Variants in PRKCQ observed in about 807,000 individuals in gnomAD.
PRKCQ encodes protein kinase C theta.
In PRKCQ, 41 loss-of-function variants were observed where a neutral mutation model predicts 91.2. The ratio of observed to expected loss-of-function variants is 0.45; its 90% CI spans 0.35 to 0.58. The LOEUF (loss-of-function observed/expected upper bound fraction) is 0.58. PRKCQ is among the 20% of genes least tolerant of loss of function. PRKCQ has a pLI of 0.00. For missense variants in PRKCQ, 673 were observed against 896.5 expected (o/e 0.75, Z 3.18); for synonymous variants, 307 against 316.9 (o/e 0.97, Z 0.33).
intron 3 of PRKCQ, 115 bp downstream of exon 3, chr10:6,510,880 C>G (rs900079397): frequency 9.5e-6 from 11 of 1,157,088 alleles, no homozygotes; most frequent in African/African-American, 9.1e-5. Context: ...TGGTAGGGAG[C>G]CTGGTGACCC....
chr10:6,456,806 C>A lies in PRKCQ; in HGVS notation c.1515G>T (p.Leu505=). The A allele has an allele frequency of 1.2e-6, 2 of 1,613,758 alleles. No homozygotes were observed. The highest frequency in any genetic ancestry group is 1.7e-6 in the Non-Finnish European group (2 of 1,179,892). Residue 505 remains leucine, a synonymous_variant, in exon 15 of 18, where the codon CTG becomes CTT. Transcript: ENST00000263125. ...LHSKGIVYRD[L]KLDNILLDKD... ...TGTCTAACAGGATGTTATCTAGCTTCAGGTCCCTGAAAAACAAAAGTGAAG... is the reference window on the plus strand; with the variant it reads ...TGTCTAACAGGATGTTATCTAGCTTAAGGTCCCTGAAAAACAAAAGTGAAG...
At chr10:6,491,627 T>C in intron 8 of PRKCQ, 56 bp downstream of exon 8, 1 of 1,600,164 alleles carries the variant, frequency 6.2e-7, no homozygotes. Flanking sequence ...CAGAAAGCCT[T>C]GCTCCATCCC....
chr10:6,502,770 G>A (rs1837989432), intron 4 of PRKCQ, among the ~76,000 whole-genome samples: 1 of 152,174 alleles, frequency 6.6e-6, no homozygotes, highest in Non-Finnish European at 1.5e-5. Flanking sequence ...TGAAAGAAAA[G>A]GAGGCTATAA....
At chr10:6,395,071 T>C in the PRKCQ span, among the ~76,000 whole-genome samples, 8 of 108,786 alleles carry the variant, frequency 7.4e-5, no homozygotes, top group East Asian at 3.9e-4. Context: ...TTTTTTTTTT[T>C]TTTTTTTTTG....
chr10:6,574,242 C>T (rs919219142), intron 1 of PRKCQ, among the ~76,000 whole-genome samples: 32 of 152,194 alleles, frequency 2.1e-4, no homozygotes, highest in African/African-American at 7.5e-4. Context: ...CAGTGCAAGC[C>T]GAGTGCTGTG....
intron 15 of PRKCQ, among the ~76,000 whole-genome samples, chr10:6,443,097 T>C (rs1208586978): frequency 1.3e-5 from 2 of 152,204 alleles, no homozygotes; most frequent in African/African-American, 4.8e-5. Context: ...CCTAACATTT[T>C]GAAAGATTCC....
chr10:6,398,429 A>G, the PRKCQ span, among the ~76,000 whole-genome samples: 7 of 152,264 alleles, frequency 4.6e-5, no homozygotes, highest in South Asian at 1.0e-3. Context: ...AGAGGCTTGC[A>G]TAAGTTAGTC....
chr10:6,437,357 A>AT (rs1458107495), intron 16 of PRKCQ, among the ~76,000 whole-genome samples: 6 of 152,212 alleles, frequency 3.9e-5, no homozygotes, highest in African/African-American at 1.4e-4. Flanking sequence ...GTAAGGACAC[A>AT]ACAAGAAGGC....
At chr10:6,447,484 A>C (rs1232220179) in intron 15 of PRKCQ, among the ~76,000 whole-genome samples, 1 of 151,872 alleles carries the variant, frequency 6.6e-6, no homozygotes, top group Non-Finnish European at 1.5e-5. Context: ...TTGCACCTCC[A>C]AAGAGACATC....
intron 17 of PRKCQ, among the ~76,000 whole-genome samples, chr10:6,429,118 A>T (rs1342377848): frequency 6.6e-6 from 1 of 152,082 alleles, no homozygotes; most frequent in Non-Finnish European, 1.5e-5. Context: ...GGCCCCTCCC[A>T]CCCTCCAAGG....
chr10:6,428,425 T>C, intron 17 of PRKCQ, 63 bp from the exon 18 acceptor site: 1 of 1,556,748 alleles, frequency 6.4e-7, no homozygotes, highest in African/African-American at 1.4e-5. Flanking sequence ...TTCATGATCT[T>C]CACTTTTGTT....
In PRKCQ at chr10:6,456,603, A is replaced by G. The variant is rs1835020795; in HGVS notation, c.1647+71T>C. On this transcript the variant is annotated intron_variant, in intron 15 of 17. Coordinates refer to ENST00000263125, the MANE Select transcript of PRKCQ (RefSeq NM_006257.5). ...AGATATTTAAAACCTTCTGATTTTC[A>G]GGGGCTAAAGAAGCAATGGCATGTG... is the stretch of plus-strand genomic sequence containing the variant. 8.4e-6 allele frequency: 13 copies of G among 1,551,062 alleles called. 1 individual carries two copies. Among genetic ancestry groups the G allele is most frequent in the African/African-American group, 1.4e-5 (1 of 72,574 alleles).
the PRKCQ span, among the ~76,000 whole-genome samples, chr10:6,420,666 A>AT: frequency 6.6e-6 from 1 of 152,184 alleles, no homozygotes. Flanking sequence ...TAGTTATAGA[A>AT]TTGTATGTTC....
At chr10:6,507,537 A>G in intron 3 of PRKCQ, 41 bp from the exon 4 acceptor site, 2 of 1,561,230 alleles carry the variant, frequency 1.3e-6, no homozygotes, top group East Asian at 2.2e-5. Context: ...AGAATGTGAA[A>G]CAAGCCCTGA....
At chr10:6,577,058 A>G (rs2130988710) in intron 1 of PRKCQ, among the ~76,000 whole-genome samples, 1 of 152,292 alleles carries the variant, frequency 6.6e-6, no homozygotes, top group East Asian at 1.9e-4. Flanking sequence ...GATTATTATT[A>G]TTATAATTAA....
At chr10:6,544,871 C>T (rs1285482286) in intron 1 of PRKCQ, among the ~76,000 whole-genome samples, 3 of 152,170 alleles carry the variant, frequency 2.0e-5, no homozygotes, top group East Asian at 1.9e-4. Context: ...CCGCCTGCCT[C>T]GGCCTCCCAA....
intron 17 of PRKCQ, among the ~76,000 whole-genome samples, chr10:6,429,255 T>C (rs1400769316): frequency 6.6e-6 from 1 of 152,206 alleles, no homozygotes; most frequent in Non-Finnish European, 1.5e-5. Flanking sequence ...TGCAAAATAT[T>C]AAGTCAATTT....
At chr10:6,572,691 A>G (rs1469045150) in intron 1 of PRKCQ, among the ~76,000 whole-genome samples, 1 of 152,212 alleles carries the variant, frequency 6.6e-6, no homozygotes, top group African/African-American at 2.4e-5. Flanking sequence ...TGTAATGAAC[A>G]TACGTGTGCA....
intron 1 of PRKCQ, among the ~76,000 whole-genome samples, chr10:6,524,354 G>C (rs898586703): frequency 6.6e-5 from 10 of 152,182 alleles, no homozygotes; most frequent in African/African-American, 2.4e-4. Flanking sequence ...TTTATGGCTG[G>C]GGCTCAGCAA....
Sources: gnomAD v4.1 joint callset for allele counts (sites outside exome capture counted in the v4.1 genomes callset) on GRCh38, gnomAD v4.1.1 for gene constraint, MANE v1.5 for transcripts, NCBI Gene and HGNC (gene_info 2026-07-23, HGNC 2026-07-21) for gene names.